The following PTPRD variants were observed in gnomAD, a reference collection of about 807,000 sequenced individuals.
PTPRD encodes protein tyrosine phosphatase receptor type D.
In PTPRD, 34 loss-of-function variants were observed where a neutral mutation model predicts 214.5. The ratio of observed to expected loss-of-function variants is 0.16; its 90% confidence interval spans 0.12 to 0.21. The LOEUF is 0.21. PTPRD is among the 10% of genes least tolerant of loss of function. The pLI, the probability that PTPRD is intolerant of heterozygous loss-of-function variation, is 1.00. For synonymous variants in PTPRD, 1,128 were observed against 845.7 expected (o/e 1.33, Z -5.79); for missense variants, 2,545 against 2,398.7 (o/e 1.06, Z -1.27).
chr9:10,507,467 C>G (rs1207521887), intron 2 of PTPRD, among the ~76,000 whole-genome samples: 1 of 152,034 alleles, frequency 6.6e-6, no homozygotes, highest in African/African-American at 2.4e-5. Context: ...TCATATGGAA[C>G]CAAAAAATAG....
At chr9:9,853,867 A>C (rs771614105) in intron 5 of PTPRD, among the ~76,000 whole-genome samples, 45 of 152,164 alleles carry the variant, frequency 3.0e-4, no homozygotes, top group Non-Finnish European at 5.9e-4. Flanking sequence ...GTTATTTTTA[A>C]AATGAATAAC....
intron 21 of PTPRD, among the ~76,000 whole-genome samples, chr9:8,511,654 T>C (rs2097685203): frequency 6.6e-6 from 1 of 152,038 alleles, no homozygotes; most frequent in Non-Finnish European, 1.5e-5. Flanking sequence ...GATATGATAT[T>C]GACCATAAAC....
intron 8 of PTPRD, among the ~76,000 whole-genome samples, chr9:9,467,768 T>C (rs1287827869): frequency 6.6e-6 from 1 of 152,078 alleles, no homozygotes; most frequent in African/African-American, 2.4e-5. Context: ...TGCATGTATT[T>C]AGGAAATCAC....
chr9:10,598,013 G>C (rs2077008165), intron 2 of PTPRD, among the ~76,000 whole-genome samples: 1 of 151,702 alleles, frequency 6.6e-6, no homozygotes, highest in Non-Finnish European at 1.5e-5. Flanking sequence ...ATAGGCATTT[G>C]CTGCCCTCAT....
intron 2 of PTPRD, among the ~76,000 whole-genome samples, chr9:10,430,395 C>T (rs547097717): frequency 1.3e-5 from 2 of 151,706 alleles, no homozygotes; most frequent in Non-Finnish European, 2.9e-5. Context: ...AATTACTTTA[C>T]GCGTGTGAGT....
chr9:10,410,786 T>C (rs1449577806), intron 2 of PTPRD, among the ~76,000 whole-genome samples: 2 of 151,892 alleles, frequency 1.3e-5, no homozygotes, highest in Non-Finnish European at 2.9e-5. Flanking sequence ...AGTTTGCTCA[T>C]TGGAAATGCC....
At chr9:9,641,546 A>G (rs563636226) in intron 7 of PTPRD, among the ~76,000 whole-genome samples, 2 of 152,320 alleles carry the variant, frequency 1.3e-5, no homozygotes, top group East Asian at 3.9e-4. Context: ...ACAGACCTCC[A>G]TAACAACTGT....
chr9:10,279,021 G>C (rs112313574), intron 3 of PTPRD, among the ~76,000 whole-genome samples: 1 of 152,004 alleles, frequency 6.6e-6, no homozygotes, highest in Non-Finnish European at 1.5e-5. Flanking sequence ...TGATCTGCCC[G>C]CCTTGGCCTC....
Position 9,473,462 on chromosome 9 carries a change from G to T in PTPRD, c.-236-75980C>A, listed in dbSNP as rs1000800729. Among the ~76,000 whole-genome samples, 4 of 152,094 alleles carry T rather than the reference G, an allele frequency of 2.6e-5. No homozygotes were observed. The South Asian group carries it at 6.2e-4, about 24-fold the overall frequency. ...GGTGCAGGTATCTCTTTGATATATT[G>T]ATTTTCTTTCTTTGGAAAAATACCC... On this transcript the variant is annotated intron_variant, in intron 8 of 45. Transcript: ENST00000381196.
intron 11 of PTPRD, among the ~76,000 whole-genome samples, chr9:8,779,759 G>A (rs2095621264): frequency 6.6e-6 from 1 of 151,266 alleles, no homozygotes; most frequent in Admixed American, 6.6e-5. Flanking sequence ...GAATGCTGCA[G>A]TCAGCAGGGC....
intron 8 of PTPRD, among the ~76,000 whole-genome samples, chr9:9,474,716 T>C (rs528772830): frequency 6.6e-6 from 1 of 152,150 alleles, no homozygotes; most frequent in East Asian, 1.9e-4. Flanking sequence ...GAGATTACTA[T>C]CTTGATTTCT....
At chr9:9,627,808 C>A (rs1228420424) in intron 7 of PTPRD, among the ~76,000 whole-genome samples, 1 of 152,140 alleles carries the variant, frequency 6.6e-6, no homozygotes, top group Non-Finnish European at 1.5e-5. Flanking sequence ...TCCTTTATTA[C>A]AAATTCATTA....
intron 12 of PTPRD, among the ~76,000 whole-genome samples, chr9:8,679,196 G>A (rs898740671): frequency 2.6e-5 from 4 of 152,176 alleles, no homozygotes; most frequent in African/African-American, 9.6e-5. Flanking sequence ...ATCCTAAAAT[G>A]ATGCATTCTC....
chr9:8,389,311 A>T lies in PTPRD; in HGVS notation c.4307T>A (p.Phe1436Tyr), dbSNP rs746067788. ...IATQGSLPET[F>Y]GDFWRMIWEQ... ...CCATATCATTCTCCAAAAGTCCCCA[A>T]ATGTTTCGGGGAGAGATCCCTGTGT... is the stretch of plus-strand genomic sequence containing the variant. The change falls in exon 37 of 46, where the codon TTT becomes TAT. Residue 1436 changes from phenylalanine (F) to tyrosine (Y), a missense_variant. By Grantham distance (22) the Phe-to-Tyr change is conservative (BLOSUM62 3). Coordinates refer to ENST00000381196, the MANE Select transcript of PTPRD (RefSeq NM_002839.4). The T allele has an allele frequency of 3.7e-6, 6 of 1,612,892 alleles. No homozygotes were observed. Among genetic ancestry groups the T allele is most frequent in the East Asian group, 2.2e-5 (1 of 44,802 alleles).
intron 11 of PTPRD, among the ~76,000 whole-genome samples, chr9:8,772,148 C>A (rs2095254913): frequency 6.6e-6 from 1 of 151,876 alleles, no homozygotes; most frequent in Admixed American, 6.6e-5. Flanking sequence ...ACAACAACAA[C>A]AACAACAACA....
intron 9 of PTPRD, among the ~76,000 whole-genome samples, chr9:9,222,572 A>C (rs1027802819): frequency 3.3e-5 from 5 of 152,038 alleles, no homozygotes; most frequent in Non-Finnish European, 5.9e-5. Flanking sequence ...CCTACTTATA[A>C]CTGGCATTTA....
intron 10 of PTPRD, among the ~76,000 whole-genome samples, chr9:9,078,839 G>T (rs2154418671): frequency 6.6e-6 from 1 of 152,022 alleles, no homozygotes; most frequent in Non-Finnish European, 1.5e-5. Flanking sequence ...ATTTGTAATT[G>T]AAAAATAATA....
intron 4 of PTPRD, among the ~76,000 whole-genome samples, chr9:10,015,318 T>A (rs918533592): frequency 1.3e-5 from 2 of 152,150 alleles, no homozygotes; most frequent in African/African-American, 4.8e-5. Context: ...TAATTATTGT[T>A]ATTACACTAA....
At chr9:10,375,409 T>C (rs1467932032) in intron 2 of PTPRD, among the ~76,000 whole-genome samples, 1 of 152,060 alleles carries the variant, frequency 6.6e-6, no homozygotes, top group East Asian at 1.9e-4. Flanking sequence ...GGTACCTTCA[T>C]GTCCTCTGAA....
Sources: gnomAD v4.1 joint callset for allele counts (sites outside exome capture counted in the v4.1 genomes callset) on GRCh38, gnomAD v4.1.1 for gene constraint, MANE v1.5 for transcripts, NCBI Gene and HGNC (gene_info 2026-07-23, HGNC 2026-07-21) for gene names.